Variants in MGAT4D observed in about 807,000 individuals in gnomAD.
MGAT4D encodes MGAT4 family member D.
In MGAT4D, 34 loss-of-function variants were observed where a neutral mutation model predicts 15.9. That is an observed-to-expected ratio of 2.14 (90% CI 1.62 to 2.84). MGAT4D has a LOEUF of 2.84. Ranked by LOEUF, MGAT4D falls within the 30% of genes most tolerant of loss-of-function variation. MGAT4D has a pLI of 0.00. For missense variants in MGAT4D, 327 were observed against 140.2 expected (o/e 2.33, Z -6.73); for synonymous variants, 112 against 48.2 (o/e 2.33, Z -5.49).
intron 10 of MGAT4D, among the ~76,000 whole-genome samples, chr4:140,446,071 G>T (rs1382712493): frequency 6.6e-6 from 1 of 151,900 alleles, no homozygotes. Flanking sequence ...TGGTTTGCTG[G>T]TTTTTTATTA....
intron 5 of MGAT4D, among the ~76,000 whole-genome samples, chr4:140,470,484 C>T (rs1406846674): frequency 6.6e-6 from 1 of 152,212 alleles, no homozygotes; most frequent in Non-Finnish European, 1.5e-5. Flanking sequence ...CTGAAGGCCA[C>T]ATTTGCAGCC....
chr4:140,445,490 T>A (rs535213802), intron 10 of MGAT4D, among the ~76,000 whole-genome samples: 12 of 152,252 alleles, frequency 7.9e-5, no homozygotes, highest in Non-Finnish European at 1.8e-4. Flanking sequence ...GTCTGTTTAC[T>A]CTGTTAATAG....
At chr4:140,493,975 A>G (rs990750260) in intron 1 of MGAT4D, among the ~76,000 whole-genome samples, 2 of 152,210 alleles carry the variant, frequency 1.3e-5, no homozygotes, top group Non-Finnish European at 2.9e-5. Context: ...AGGATTGTCA[A>G]TGGAAGTGGC....
chr4:140,498,043 A>ATT (rs1284054387), intron 1 of MGAT4D, 86 bp downstream of exon 1: 6 of 617,744 alleles, frequency 9.7e-6, no homozygotes, highest in Non-Finnish European at 1.7e-5. Context: ...TCGCCTCCGC[A>ATT]CCCGCCGACC....
At chr4:140,469,530 A>G (rs1019906826) in intron 5 of MGAT4D, among the ~76,000 whole-genome samples, 6 of 152,098 alleles carry the variant, frequency 3.9e-5, no homozygotes, top group African/African-American at 1.2e-4. Context: ...CGCTCATTGT[A>G]ATTGATTATC....
At chr4:140,448,213 G>T (rs1339187800) in intron 10 of MGAT4D, among the ~76,000 whole-genome samples, 1 of 152,096 alleles carries the variant, frequency 6.6e-6, no homozygotes, top group Non-Finnish European at 1.5e-5. Context: ...TCTTGCAGGG[G>T]TTCTCTGCAT....
chr4:140,482,568 T>C, intron 1 of MGAT4D, 83 bp from the exon 2 acceptor site: 1 of 540,156 alleles, frequency 1.9e-6, no homozygotes, highest in Middle Eastern at 4.9e-4. Flanking sequence ...ATGTAAAGTA[T>C]AAGTTTCAAT....
chr4:140,489,552 T>C (rs1363288230), intron 1 of MGAT4D, among the ~76,000 whole-genome samples: 1 of 152,216 alleles, frequency 6.6e-6, no homozygotes, highest in Non-Finnish European at 1.5e-5. Flanking sequence ...AATCATTTAT[T>C]GCTTTCCTTT....
chr4:140,486,022 C>A (rs1733104843), intron 1 of MGAT4D, among the ~76,000 whole-genome samples: 1 of 151,844 alleles, frequency 6.6e-6, no homozygotes. Context: ...AAAGTCCTTA[C>A]CATGACCCAC....
chr4:140,459,572 CA>C lies in MGAT4D; in HGVS notation c.816del (p.Phe272LeufsTer2). 4 of 528,734 alleles carry C rather than the reference CA, an allele frequency of 7.6e-6. No homozygotes were observed. The highest frequency in any genetic ancestry group is 6.7e-6 in the Non-Finnish European group (2 of 298,678). 32.8% of individuals were successfully genotyped at this position (528,734 alleles called of 1,614,324 possible). A position where few individuals can be genotyped will look rare whatever the true frequency, so the allele number is the denominator to read the frequency against. ...CAATTATTTGAACTGATATTACCTA[CA>C]AAATCTGTTATTTTTGTAAAGTACA... Reference protein sequence around the residue: ...KEMYFTKITDFVGNISSNNWF... With the variant: ...KEMYFTKITDXVGNISSNNWF... On this transcript the variant is annotated frameshift_variant, in exon 8 of 11. Transcript: ENST00000511113. LOFTEE classifies it high-confidence loss of function.
intron 10 of MGAT4D, among the ~76,000 whole-genome samples, chr4:140,448,288 A>G (rs1323911597): frequency 1.3e-5 from 2 of 152,168 alleles, no homozygotes; most frequent in African/African-American, 4.8e-5. Flanking sequence ...AATATACTGA[A>G]ATAAATTTTC....
Position 140,456,649 on chromosome 4 carries a change from G to A in MGAT4D, c.948C>T (p.Pro316=). ...AAATGTCATTCAAGAGCCAGTCTATGGGTTTCTCTTTGTAGAACATTAAAA... is the reference window on the plus strand; with the variant it reads ...AAATGTCATTCAAGAGCCAGTCTATAGGTTTCTCTTTGTAGAACATTAAAA... ...RFFLMFYKEK[P]IDWLLNDIFQ... Residue 316 remains proline (P), a synonymous_variant, in exon 9 of 11, where the codon CCC becomes CCT. Coordinates refer to ENST00000511113, the MANE Select transcript of MGAT4D (RefSeq NM_001277353.2). 1.4e-6 allele frequency: 1 copy of A among 698,090 alleles called. No individual in the cohort carries two copies. The highest frequency in any genetic ancestry group is 2.6e-6 in the Non-Finnish European group (1 of 382,580). 43.2% of individuals were successfully genotyped at this position (698,090 alleles called of 1,614,324 possible).
chr4:140,455,699 T>C (rs1344504471), intron 9 of MGAT4D, among the ~76,000 whole-genome samples: 3 of 152,206 alleles, frequency 2.0e-5, no homozygotes, highest in Non-Finnish European at 4.4e-5. Flanking sequence ...GGTCTATTTT[T>C]TCTTTTAGTT....
At chr4:140,478,366 T>G (rs926467299) in intron 3 of MGAT4D, among the ~76,000 whole-genome samples, 1 of 152,202 alleles carries the variant, frequency 6.6e-6, no homozygotes. Context: ...ATTCTTGGTG[T>G]CTAATATCTT....
intron 2 of MGAT4D, among the ~76,000 whole-genome samples, chr4:140,480,812 T>A (rs1019734603): frequency 1.3e-5 from 2 of 149,988 alleles, no homozygotes; most frequent in African/African-American, 4.9e-5. Context: ...GGCATGCGCC[T>A]GGAGTCCCAG....
chr4:140,492,591 G>A (rs967937273), intron 1 of MGAT4D, among the ~76,000 whole-genome samples: 9 of 150,276 alleles, frequency 6.0e-5, no homozygotes, highest in African/African-American at 2.2e-4. Flanking sequence ...TTGCACCACC[G>A]CCCTCTAGCC....
chr4:140,492,862 G>T (rs578220784), intron 1 of MGAT4D, among the ~76,000 whole-genome samples: 1 of 152,168 alleles, frequency 6.6e-6, no homozygotes, highest in South Asian at 2.1e-4. Context: ...CACATAATAA[G>T]TCTTCATTGT....
At chr4:140,477,483 T>A (rs1001487108) in intron 3 of MGAT4D, among the ~76,000 whole-genome samples, 4 of 152,214 alleles carry the variant, frequency 2.6e-5, no homozygotes, top group African/African-American at 9.6e-5. Context: ...AAAAGTCATA[T>A]TGGATAAGGG....
intron 9 of MGAT4D, among the ~76,000 whole-genome samples, chr4:140,452,509 A>G (rs1218339696): frequency 2.0e-5 from 3 of 152,198 alleles, no homozygotes; most frequent in African/African-American, 7.2e-5. Flanking sequence ...CACCCTCAAA[A>G]CAACCTGTTG....
Sources: gnomAD v4.1 joint callset for allele counts (sites outside exome capture counted in the v4.1 genomes callset) on GRCh38, gnomAD v4.1.1 for gene constraint, MANE v1.5 for transcripts, NCBI Gene and HGNC (gene_info 2026-07-23, HGNC 2026-07-21) for gene names.